CNTNAP5: variants seen among roughly 807,000 people sequenced by gnomAD.
CNTNAP5 encodes contactin-associated protein-like 5.
A neutral mutation model predicts 150.2 loss-of-function variants in CNTNAP5; 72 were observed. That is an observed-to-expected ratio of 0.48 (90% confidence interval 0.40 to 0.58). The LOEUF is 0.58. Ranked by LOEUF, CNTNAP5 falls within the 20% of genes least tolerant of loss-of-function variation. CNTNAP5 has a pLI of 0.00. For synonymous variants in CNTNAP5, 672 were observed against 619.8 expected, an observed-to-expected ratio of 1.08 and a Z score of -1.25; for missense variants, 1,636 against 1,626.2, an observed-to-expected ratio of 1.01 and a Z score of -0.10.
chr2:124,186,031 C>T (rs1257109521), intron 1 of CNTNAP5, among the ~76,000 whole-genome samples: 1 of 152,224 alleles, frequency 6.6e-6, no homozygotes, highest in Non-Finnish European at 1.5e-5. Context: ...CAGCTATTCT[C>T]ATGGTAACCA....
Position 124,865,317 on chromosome 2 carries a change from G to A in CNTNAP5, c.3229G>A (p.Val1077Ile), listed in dbSNP as rs1380789937. The A allele has an allele frequency of 1.9e-6, 3 of 1,562,120 alleles. No individual in the cohort carries two copies. The highest frequency in any genetic ancestry group is 1.9e-5 in the Admixed American group (1 of 52,444). The change falls in exon 20 of 24, where the codon GTT (valine) becomes ATT (isoleucine). Residue 1077 changes from valine (V) to isoleucine (I), a missense_variant. Coordinates refer to ENST00000682447, the MANE Select transcript of CNTNAP5 (RefSeq NM_001367498.1). Reference protein sequence around the residue: ...VLLCKNGSLQVRYHLNKEETH... With the variant: ...VLLCKNGSLQIRYHLNKEETH... ...ATTTTTCTTTCAAGGAAGCTTACAGGTTCGCTATCACCTAAACAAGGAAGA... is the reference window on the plus strand; with the variant it reads ...ATTTTTCTTTCAAGGAAGCTTACAGATTCGCTATCACCTAAACAAGGAAGA...
At chr2:124,203,046 G>A (rs1303610886) in intron 1 of CNTNAP5, among the ~76,000 whole-genome samples, 1 of 152,066 alleles carries the variant, frequency 6.6e-6, no homozygotes, top group Non-Finnish European at 1.5e-5. Context: ...TCTGAGACAA[G>A]GCAAGTCCCT....
intron 10 of CNTNAP5, among the ~76,000 whole-genome samples, chr2:124,551,883 TA>T (rs1210843555): frequency 1.4e-4 from 22 of 152,258 alleles, no homozygotes; most frequent in Admixed American, 3.3e-4. Context: ...GTATATTTTT[TA>T]ATGCTCTTAT....
intron 3 of CNTNAP5, among the ~76,000 whole-genome samples, chr2:124,385,866 G>A (rs1020126364): frequency 7.9e-5 from 12 of 152,188 alleles, no homozygotes; most frequent in African/African-American, 1.7e-4. Flanking sequence ...CTTTTTTATC[G>A]TGTTCTGAGA....
At chr2:124,178,334 T>A (rs1369461750) in intron 1 of CNTNAP5, among the ~76,000 whole-genome samples, 1 of 152,196 alleles carries the variant, frequency 6.6e-6, no homozygotes, top group African/African-American at 2.4e-5. Context: ...ATTCCTTTAT[T>A]ATTCCTTGCT....
chr2:124,502,592 T>C (rs1323733940), intron 7 of CNTNAP5, among the ~76,000 whole-genome samples: 1 of 152,182 alleles, frequency 6.6e-6, no homozygotes, highest in Non-Finnish European at 1.5e-5. Flanking sequence ...AAGGAAAAGA[T>C]AAATAAAAGT....
rs149090922 is a variant in CNTNAP5, at chr2:124,781,674, G to A, written c.2753-8228G>A. On this transcript the variant is annotated intron_variant, in intron 17 of 23. Coordinates refer to ENST00000682447, the MANE Select transcript of CNTNAP5 (RefSeq NM_001367498.1). The stretch of plus-strand genomic sequence containing the variant: ...ACTCAACGTGGACACTGCATTCCCC[G>A]CCGCCATCTACACTGCACTGGAGCC... 7.6e-3 allele frequency among the ~76,000 whole-genome samples: 1,100 copies of A among 144,272 alleles called. 9 individuals carry two copies. The highest frequency in any genetic ancestry group is 0.026 in the African/African-American group (1,003 of 39,034). The allele number at this position is 144,272 out of a possible 152,430, so 94.6% of individuals were successfully genotyped here. A position where few individuals can be genotyped will look rare whatever the true frequency, so the allele number is the denominator to read the frequency against.
chr2:124,117,660 T>C (rs576112157), intron 1 of CNTNAP5, among the ~76,000 whole-genome samples: 68 of 152,336 alleles, frequency 4.5e-4, no homozygotes, highest in African/African-American at 1.6e-3. Context: ...GTGAATTTCT[T>C]TCCATAGCAC....
intron 21 of CNTNAP5, among the ~76,000 whole-genome samples, chr2:124,888,710 A>G (rs920022977): frequency 3.3e-5 from 5 of 151,818 alleles, no homozygotes; most frequent in African/African-American, 9.7e-5. Flanking sequence ...GATGTTGAGC[A>G]TTTTTTCATA....
chr2:124,783,992 T>C (rs1381205737), intron 17 of CNTNAP5, among the ~76,000 whole-genome samples: 1 of 152,150 alleles, frequency 6.6e-6, no homozygotes, highest in Admixed American at 6.5e-5. Context: ...AAGAACATAA[T>C]TGATAGTTAG....
intron 1 of CNTNAP5, among the ~76,000 whole-genome samples, chr2:124,097,824 C>T (rs998887518): frequency 6.6e-6 from 1 of 152,196 alleles, no homozygotes; most frequent in Middle Eastern, 3.4e-3. Flanking sequence ...GTCAGGAGAT[C>T]GAGACCATCC....
chr2:124,441,595 T>G (rs1307316063), intron 5 of CNTNAP5, among the ~76,000 whole-genome samples: 1 of 152,090 alleles, frequency 6.6e-6, no homozygotes, highest in East Asian at 1.9e-4. Flanking sequence ...CTGAGTATAC[T>G]TTTGAAATAA....
At chr2:124,396,615 A>G (rs1691251849) in intron 3 of CNTNAP5, among the ~76,000 whole-genome samples, 2 of 152,220 alleles carry the variant, frequency 1.3e-5, no homozygotes, top group South Asian at 4.1e-4. Context: ...CTTTAAATAC[A>G]GTGTCAGAGT....
chr2:124,214,011 C>T (rs1686088807), intron 1 of CNTNAP5, among the ~76,000 whole-genome samples: 1 of 152,142 alleles, frequency 6.6e-6, no homozygotes, highest in South Asian at 2.1e-4. Context: ...AGGTTTTGTG[C>T]AGAGTCACTT....
At chr2:124,792,561 T>C (rs1681757236) in intron 18 of CNTNAP5, among the ~76,000 whole-genome samples, 1 of 152,178 alleles carries the variant, frequency 6.6e-6, no homozygotes, top group Non-Finnish European at 1.5e-5. Flanking sequence ...CCCACCCTTT[T>C]AAGGTGTATA....
At chr2:124,087,590 C>T (rs887812590) in intron 1 of CNTNAP5, among the ~76,000 whole-genome samples, 4 of 151,796 alleles carry the variant, frequency 2.6e-5, no homozygotes, top group Admixed American at 6.5e-5. Context: ...GGCGTGGTGG[C>T]GTGGGCCTGT....
chr2:124,174,110 G>GAAA (rs3063417), intron 1 of CNTNAP5, among the ~76,000 whole-genome samples: 7 of 143,000 alleles, frequency 4.9e-5, no homozygotes, highest in Admixed American at 7.0e-5. Flanking sequence ...TACTGCTCAG[G>GAAA]AAAAAAAAAA....
chr2:124,795,977 T>G (rs2104639460), intron 18 of CNTNAP5, among the ~76,000 whole-genome samples: 1 of 152,196 alleles, frequency 6.6e-6, no homozygotes, highest in Admixed American at 6.5e-5. Context: ...TTAAATATCT[T>G]TATCCTTTTT....
intron 3 of CNTNAP5, among the ~76,000 whole-genome samples, chr2:124,365,792 C>T (rs1209228759): frequency 6.6e-6 from 1 of 152,192 alleles, no homozygotes; most frequent in Non-Finnish European, 1.5e-5. Context: ...ACACCCGTTT[C>T]ATAACAGTAT....
Sources: gnomAD v4.1 joint callset for allele counts (sites outside exome capture counted in the v4.1 genomes callset) on GRCh38, gnomAD v4.1.1 for gene constraint, MANE v1.5 for transcripts, NCBI Gene and HGNC (gene_info 2026-07-23, HGNC 2026-07-21) for gene names.